PLEKHG3: variants seen among roughly 807,000 people sequenced by gnomAD.
PLEKHG3 encodes the protein pleckstrin homology domain-containing family G member 3.
A neutral mutation model predicts 94.9 loss-of-function variants in PLEKHG3; 62 were observed. That is an observed-to-expected ratio of 0.65 (90% CI 0.53 to 0.81). The LOEUF (loss-of-function observed/expected upper bound fraction) is 0.81. Among genes scored for constraint, PLEKHG3 ranks in the 30% least tolerant of loss-of-function variants. The probability of loss-of-function intolerance (pLI) is 0.00; values close to 1 mark genes in which losing one functional copy is unlikely to be tolerated. For synonymous variants in PLEKHG3, 614 were observed against 654.0 expected, an observed-to-expected ratio of 0.94 and a Z score of 0.93; for missense variants, 1,461 against 1,619.3, an observed-to-expected ratio of 0.90 and a Z score of 1.68.
In PLEKHG3 at chr14:64,704,442, T is replaced by TCCCTCGCTCCCTCCTG. The variant is rs1555358321; in HGVS notation, c.-297_-296insGCTCCCTCCTGCCCTC. 3.9e-5 allele frequency: 6 copies of TCCCTCGCTCCCTCCTG among 154,372 alleles called. No homozygotes were observed. The highest frequency in any genetic ancestry group is 3.8e-4 in the East Asian group (3 of 7,984). The allele number at this position is 154,372 out of a possible 1,614,324, so 9.6% of individuals were successfully genotyped here. A position where few individuals can be genotyped will look rare whatever the true frequency, so the allele number is the denominator to read the frequency against. On this transcript the variant is annotated 5_prime_UTR_variant, in exon 1 of 17. Coordinates refer to ENST00000247226, the MANE Select transcript of PLEKHG3 (RefSeq NM_001308147.2). This position sits in a 1 kb window ranked among gnomAD's most constrained non-coding sequence, Gnocchi z 5.6. The stretch of plus-strand genomic sequence containing the variant: ...CTCCCTCGCTCCCTCGCTCCCTCGC[T>TCCCTCGCTCCCTCCTG]CCCTCCTGCCCTCCCGCTGCAGCTC...
chr14:64,715,878 G>A lies in PLEKHG3; in HGVS notation c.-40+11174G>A, dbSNP rs1271547972. 5.6e-6 allele frequency: 2 copies of A among 355,468 alleles called. No homozygotes were observed. Among genetic ancestry groups the A allele is most frequent in the Non-Finnish European group, 1.1e-5 (2 of 176,966 alleles). The allele number at this position is 355,468 out of a possible 1,614,324, so 22.0% of individuals were successfully genotyped here. A position where few individuals can be genotyped will look rare whatever the true frequency, so the allele number is the denominator to read the frequency against. On this transcript the variant is annotated intron_variant, in intron 1 of 16. Coordinates refer to ENST00000247226, the MANE Select transcript of PLEKHG3 (RefSeq NM_001308147.2). The surrounding 1 kb of genome is among the most constrained non-coding windows in gnomAD (Gnocchi z 4.4). ...ATCAGGAATGAGAGAAATGCAGAAA[G>A]TATGACCCACACGCAGAACTGGTTC...
At chr14:64,712,327 G>A (rs773660059) in intron 1 of PLEKHG3, among the ~76,000 whole-genome samples, 1 of 151,844 alleles carries the variant, frequency 6.6e-6, no homozygotes, top group Admixed American at 6.6e-5. Flanking sequence ...TTTTCCATAT[G>A]AATTTTAGGA....
At position 64,720,954 on chromosome 14, in the gene PLEKHG3, T is replaced by C. The variant is rs1359690198; in HGVS notation, c.-39-6639T>C. 6.6e-6 allele frequency among the ~76,000 whole-genome samples: 1 copy of C among 152,236 alleles called. No individual in the cohort carries two copies. Among genetic ancestry groups the C allele is most frequent in the Non-Finnish European group, 1.5e-5 (1 of 68,034 alleles). ...TTTTATTGTCAAACTTCTGTCTGACTCTGACTCCTGCCGGATTCCTCTTAC... is the reference window on the plus strand; with the variant it reads ...TTTTATTGTCAAACTTCTGTCTGACCCTGACTCCTGCCGGATTCCTCTTAC... On this transcript the variant is annotated intron_variant, in intron 1 of 16. Coordinates refer to ENST00000247226, the MANE Select transcript of PLEKHG3 (RefSeq NM_001308147.2). The surrounding 1 kb of genome is among the most constrained non-coding windows in gnomAD (Gnocchi z 4.1).
At chr14:64,734,977 C>T (rs947761561) in intron 12 of PLEKHG3, among the ~76,000 whole-genome samples, 13 of 152,148 alleles carry the variant, frequency 8.5e-5, no homozygotes, top group Non-Finnish European at 1.8e-4. Context: ...CCACCCGCCT[C>T]GGCCTCACAG....
intron 1 of PLEKHG3, among the ~76,000 whole-genome samples, chr14:64,705,193 C>T (rs1386988455): frequency 2.6e-5 from 4 of 152,166 alleles, no homozygotes; most frequent in South Asian, 2.1e-4. Context: ...GCTACCTGTC[C>T]GGCAGGGAGG....
In PLEKHG3 at chr14:64,708,082, G is replaced by A. The variant is rs187316945; in HGVS notation, c.-40+3378G>A. Reference sequence around the variant, plus strand: ...CATTTTAGATATTGGGCAGGAGTGGGGAATTAGAGGGAGGGGAAAATAGAA... The same window carrying A: ...CATTTTAGATATTGGGCAGGAGTGGAGAATTAGAGGGAGGGGAAAATAGAA... On this transcript the variant is annotated intron_variant, in intron 1 of 16. Coordinates refer to ENST00000247226, the MANE Select transcript of PLEKHG3 (RefSeq NM_001308147.2). Among the ~76,000 whole-genome samples the A allele has an allele frequency of 2.2e-3, 339 of 152,332 alleles. 4 individuals carry two copies. The highest frequency in any genetic ancestry group is 7.6e-3 in the African/African-American group (316 of 41,560).
intron 13 of PLEKHG3, 130 bp downstream of exon 13, chr14:64,737,021 T>A: frequency 1.3e-6 from 1 of 779,140 alleles, no homozygotes. Flanking sequence ...GAACTCTGCC[T>A]CCATTCCCCC....
At position 64,742,115 on chromosome 14, in the gene PLEKHG3, G is replaced by C. The variant is rs374426441; in HGVS notation, c.2598G>C (p.Pro866=). ...AITEESATAS[P]ESSSPTEGRS... ...CAGAGGAGTCGGCCACTGCCTCCCCGGAAAGCTCCTCTCCCACTGAGGGGC... is the reference window on the plus strand; with the variant it reads ...CAGAGGAGTCGGCCACTGCCTCCCCCGAAAGCTCCTCTCCCACTGAGGGGC... The change falls in exon 16 of 17, where the codon CCG becomes CCC. Residue 866 remains proline, a synonymous_variant. Coordinates refer to ENST00000247226, the MANE Select transcript of PLEKHG3 (RefSeq NM_001308147.2). 16 of 1,610,432 alleles carry C rather than the reference G, an allele frequency of 9.9e-6. No homozygotes were observed. Among genetic ancestry groups the C allele is most frequent in the Non-Finnish European group, 1.2e-5 (14 of 1,179,832 alleles).
In PLEKHG3 at chr14:64,732,326, C is replaced by T. The variant is rs774313140; in HGVS notation, c.1213-101C>T. On this transcript the variant is annotated intron_variant, in intron 10 of 16. Coordinates refer to ENST00000247226, the MANE Select transcript of PLEKHG3 (RefSeq NM_001308147.2). The surrounding 1 kb of genome is among the most constrained non-coding windows in gnomAD (Gnocchi z 4.9). Reference sequence around the variant, plus strand: ...ACAGCAGATGCCCCGGGCCTTGGTGCAGCACTGTGGGGTGTCCTCGTACAG... The same window carrying T: ...ACAGCAGATGCCCCGGGCCTTGGTGTAGCACTGTGGGGTGTCCTCGTACAG... 1.6e-6 allele frequency: 2 copies of T among 1,277,832 alleles called. No individual in the cohort carries two copies. The highest frequency in any genetic ancestry group is 2.3e-6 in the Non-Finnish European group (2 of 875,138). 79.2% of individuals were successfully genotyped at this position (1,277,832 alleles called of 1,614,324 possible).
rs1324368234 is a variant in PLEKHG3 at position 64,729,084 on chromosome 14, C to T, written c.440C>T (p.Ala147Val). Residue 147 changes from alanine to valine, a missense_variant, in exon 3 of 17, where the codon GCG becomes GTG. This residue lies in a region of PLEKHG3 where 253 missense variants were observed against 297.8 expected (regional missense o/e 0.85). Transcript: ENST00000247226. ...TTTGGGAACATAGAAAATATCTACGCGCTGAACAGGTGTGTGAATGGGCCT... is the reference window on the plus strand; with the variant it reads ...TTTGGGAACATAGAAAATATCTACGTGCTGAACAGGTGTGTGAATGGGCCT... ...ALFGNIENIY[A>V]LNSQLLRDLD... The T allele has an allele frequency of 2.4e-5, 35 of 1,478,252 alleles. No individual in the cohort carries two copies. The highest frequency in any genetic ancestry group is 5.9e-5 in the Admixed American group (3 of 50,764). The allele number at this position is 1,478,252 out of a possible 1,614,324, so 91.6% of individuals were successfully genotyped here.
chr14:64,731,188 GCTGGGGGAGGGGCAGGGCT>G lies in PLEKHG3; in HGVS notation c.849+20_849+38del. On this transcript the variant is annotated intron_variant, in intron 7 of 16. Coordinates refer to ENST00000247226, the MANE Select transcript of PLEKHG3 (RefSeq NM_001308147.2). This position sits in a 1 kb window ranked among gnomAD's most constrained non-coding sequence, Gnocchi z 6.1. ...GCTCCAGGTGCTCTGGGGCTGGGAC[GCTGGGGGAGGGGCAGGGCT>G]GGGTGGGCCAGGCTTCCGCTGGGAA... 2 of 1,597,116 alleles carry G rather than the reference GCTGGGGGAGGGGCAGGGCT, an allele frequency of 1.3e-6. No homozygotes were observed. The highest frequency in any genetic ancestry group is 1.7e-6 in the Non-Finnish European group (2 of 1,167,296).
chr14:64,730,612 C>G lies in PLEKHG3; in HGVS notation c.520-30C>G, dbSNP rs1175934741. On this transcript the variant is annotated intron_variant, in intron 4 of 16. Coordinates refer to ENST00000247226, the MANE Select transcript of PLEKHG3 (RefSeq NM_001308147.2). The surrounding 1 kb of genome is among the most constrained non-coding windows in gnomAD (Gnocchi z 5.4). Reference sequence around the variant, plus strand: ...TCTTTACTGTCAAATGAGAATCTCCCTGAAATCACTATTTTTGATCTCTTC... The same window carrying G: ...TCTTTACTGTCAAATGAGAATCTCCGTGAAATCACTATTTTTGATCTCTTC... 4 of 1,585,920 alleles carry G rather than the reference C, an allele frequency of 2.5e-6. No individual in the cohort carries two copies. In the East Asian group the frequency reaches 6.7e-5, roughly 27 times the overall value.
chr14:64,734,841 C>T (rs553887615), intron 12 of PLEKHG3, among the ~76,000 whole-genome samples: 13 of 152,046 alleles, frequency 8.6e-5, no homozygotes, highest in Admixed American at 3.3e-4. Flanking sequence ...CTGCCTCAGC[C>T]GCCCGAGTAG....
In PLEKHG3 at chr14:64,717,837, A is replaced by G. The variant is rs2081195389; in HGVS notation, c.-39-9756A>G. On this transcript the variant is annotated intron_variant, in intron 1 of 16. Transcript: ENST00000247226. The surrounding 1 kb of genome is among the most constrained non-coding windows in gnomAD (Gnocchi z 4.7). ...AGCCACAGCCCATATCATGGTTTGGACCTTTTTAGGGCACATTCTGACACC... is the reference window on the plus strand; with the variant it reads ...AGCCACAGCCCATATCATGGTTTGGGCCTTTTTAGGGCACATTCTGACACC... Among the ~76,000 whole-genome samples, 1 of 152,128 alleles carries G rather than the reference A, an allele frequency of 6.6e-6. No homozygotes were observed. The highest frequency in any genetic ancestry group is 1.5e-5 in the Non-Finnish European group (1 of 68,036).
At chr14:64,713,774 T>C (rs1440804222) in intron 1 of PLEKHG3, among the ~76,000 whole-genome samples, 1 of 152,148 alleles carries the variant, frequency 6.6e-6, no homozygotes, top group South Asian at 2.1e-4. Flanking sequence ...CCTTTTTTTT[T>C]CTCTGTGGAC....
rs778012787 is a variant in PLEKHG3 at position 64,742,993 on chromosome 14, C to G, written c.2950C>G (p.Pro984Ala). 1 of 1,613,298 alleles carries G rather than the reference C, an allele frequency of 6.2e-7. No individual in the cohort carries two copies. The highest frequency in any genetic ancestry group is 1.1e-5 in the South Asian group (1 of 91,086). ...EPLGGKGKRK[P>A]VLSLFDYEQL... ...CTCTCTCCTCATAGGTAAGAGGAAG[C>G]CGGTGCTGTCTCTATTTGACTATGA... Residue 984 changes from proline to alanine, a missense_variant, in exon 17 of 17, where the codon CCG (proline) becomes GCG (alanine). By Grantham distance (27) the Pro-to-Ala change is conservative (BLOSUM62 -1). This residue lies in a region of PLEKHG3 where 1,201 missense variants were observed against 1,295.5 expected (regional missense o/e 0.93). Transcript: ENST00000247226.
In PLEKHG3 at chr14:64,731,976, C is replaced by A; in HGVS notation, c.1126-119C>A. On this transcript the variant is annotated intron_variant, in intron 9 of 16. Coordinates refer to ENST00000247226, the MANE Select transcript of PLEKHG3 (RefSeq NM_001308147.2). The surrounding 1 kb of genome is among the most constrained non-coding windows in gnomAD (Gnocchi z 6.1). ...GGGTCAAAGTGAGGAGTCAGGTTAA[C>A]CTCACAGAGGCCCCAGCATGGCCCC... The A allele has an allele frequency of 2.3e-6, 2 of 875,798 alleles. No individual in the cohort carries two copies. The highest frequency in any genetic ancestry group is 3.8e-6 in the Non-Finnish European group (2 of 527,336). 54.3% of individuals were successfully genotyped at this position (875,798 alleles called of 1,614,324 possible). A position where few individuals can be genotyped will look rare whatever the true frequency, so the allele number is the denominator to read the frequency against.
chr14:64,742,427 A>G lies in PLEKHG3; in HGVS notation c.2910A>G (p.Glu970=). 1.2e-6 allele frequency: 2 copies of G among 1,610,148 alleles called. No individual in the cohort carries two copies. Among genetic ancestry groups the G allele is most frequent in the Non-Finnish European group, 1.7e-6 (2 of 1,178,286 alleles). ...GKSPTVPCLQ[E]EAGEPLGGKG... is the part of the protein sequence containing the mutation. ...GCCCCACTGTGCCCTGTCTACAGGA[A>G]GAGGCTGGAGAGCCATTAGGTGGCA... Residue 970 remains glutamate, a synonymous_variant, in exon 16 of 17, where the codon GAA becomes GAG. Transcript: ENST00000247226.
At chr14:64,742,510 A>G (rs1566719416) in intron 16 of PLEKHG3, 55 bp downstream of exon 16, 8 of 1,333,734 alleles carry the variant, frequency 6.0e-6, no homozygotes, top group South Asian at 1.4e-5. Flanking sequence ...TGAAGAGTCA[A>G]TAAGGAGCCA....
Sources: allele counts gnomAD v4.1 joint callset (sites outside exome capture counted in the v4.1 genomes callset), GRCh38; gene constraint gnomAD v4.1.1; regional missense constraint gnomAD v4.1.1; non-coding constraint Gnocchi (gnomAD v3.1); transcripts MANE v1.5; gene names NCBI Gene and HGNC (gene_info 2026-07-23, HGNC 2026-07-21).